The following SYTL2 variants were observed in gnomAD, a reference collection of about 807,000 sequenced individuals.
SYTL2 encodes synaptotagmin-like protein 2.
A neutral mutation model predicts 198.7 loss-of-function variants in SYTL2; 165 were observed. That is an observed-to-expected ratio of 0.83 (90% CI 0.73 to 0.94). The LOEUF (loss-of-function observed/expected upper bound fraction) is 0.94, where lower values mean the gene tolerates loss of function less well. Ranked by LOEUF, SYTL2 falls within the 40% of genes least tolerant of loss-of-function variation. SYTL2 has a pLI of 0.00. For missense variants in SYTL2, 2,835 were observed against 2,582.8 expected (o/e 1.10, Z -2.12); for synonymous variants, 966 against 917.7 (o/e 1.05, Z -0.95).
intron 1 of SYTL2, among the ~76,000 whole-genome samples, chr11:85,786,631 G>T (rs1245265546): frequency 6.6e-6 from 1 of 152,198 alleles, no homozygotes; most frequent in Non-Finnish European, 1.5e-5. Context: ...GAGAGTGTGT[G>T]TATGTGTGTG....
At chr11:85,744,201 G>A (rs2090998446) in intron 4 of SYTL2, among the ~76,000 whole-genome samples, 1 of 151,974 alleles carries the variant, frequency 6.6e-6, no homozygotes, top group Non-Finnish European at 1.5e-5. Context: ...TCCATTTCTT[G>A]AGCACTTACT....
At chr11:85,840,151 TAG>T in the SYTL2 span, among the ~76,000 whole-genome samples, 153 of 152,316 alleles carry the variant, frequency 1.0e-3, 1 homozygote, top group African/African-American at 3.5e-3. Flanking sequence ...TTTTTTCCTA[TAG>T]AGTCACCTGA....
At chr11:85,741,953 T>C (rs1196916489) in intron 4 of SYTL2, among the ~76,000 whole-genome samples, 1 of 152,212 alleles carries the variant, frequency 6.6e-6, no homozygotes, top group African/African-American at 2.4e-5. Flanking sequence ...GCACAGTTTT[T>C]CTTGCAAGGA....
At chr11:85,799,743 T>A (rs2153644856) in intron 1 of SYTL2, among the ~76,000 whole-genome samples, 1 of 152,130 alleles carries the variant, frequency 6.6e-6, no homozygotes, top group East Asian at 1.9e-4. Context: ...CCTTCCCTCT[T>A]ACCACCCCAC....
Position 85,724,615 on chromosome 11 carries a change from A to G in SYTL2, c.4743T>C (p.Tyr1581=). ...CTTCTCTCACTGACACCTGGGGCTG[A>G]TAAGGAGGAGCTTCAGTTATTTCTT... is the stretch of plus-strand genomic sequence containing the variant. ...LLKEITEAPP[Y]QPQVSVREET... Residue 1581 remains tyrosine, a synonymous_variant, in exon 8 of 20, where the codon TAT becomes TAC. Coordinates refer to ENST00000359152, the MANE Select transcript of SYTL2 (RefSeq NM_206927.4). The G allele has an allele frequency of 1.2e-6, 2 of 1,613,352 alleles. No individual in the cohort carries two copies. The highest frequency in any genetic ancestry group is 2.7e-5 in the African/African-American group (2 of 74,912).
chr11:85,842,053 G>A, the SYTL2 span, among the ~76,000 whole-genome samples: 1 of 152,182 alleles, frequency 6.6e-6, no homozygotes, highest in Non-Finnish European at 1.5e-5. Context: ...GCTAGGCAAT[G>A]GTGGTATAAT....
At chr11:85,765,873 T>C (rs2153568746) in intron 1 of SYTL2, among the ~76,000 whole-genome samples, 1 of 152,242 alleles carries the variant, frequency 6.6e-6, no homozygotes, top group East Asian at 1.9e-4. Context: ...AAACTTACAA[T>C]ACCCCTAGGA....
Position 85,775,711 on chromosome 11 carries a change from C to T in SYTL2, c.-389-17597G>A, listed in dbSNP as rs933046026. Among the ~76,000 whole-genome samples, 5 of 152,122 alleles carry T rather than the reference C, an allele frequency of 3.3e-5. No individual in the cohort carries two copies. The South Asian group carries it at 6.2e-4, about 19-fold the overall frequency. On this transcript the variant is annotated intron_variant, in intron 1 of 19. Transcript: ENST00000359152. ...GACCAGGCTGATCTTGAACTCCTGA[C>T]CTCAAGTAATCTGCCCGCCTCAGCC...
chr11:85,697,389 C>A (rs1041082154), intron 18 of SYTL2, among the ~76,000 whole-genome samples: 2 of 152,054 alleles, frequency 1.3e-5, no homozygotes, highest in African/African-American at 4.8e-5. Context: ...TTCTGGTAGA[C>A]TATATATAAA....
intron 14 of SYTL2, among the ~76,000 whole-genome samples, chr11:85,707,795 C>T (rs2085439852): frequency 6.6e-6 from 1 of 151,400 alleles, no homozygotes; most frequent in African/African-American, 2.4e-5. Context: ...AACTAATATG[C>T]AGGGGTGGAA....
chr11:85,738,831 CCTGT>C (rs2090564749), intron 4 of SYTL2, among the ~76,000 whole-genome samples: 2 of 152,098 alleles, frequency 1.3e-5, no homozygotes, highest in Admixed American at 1.3e-4. Flanking sequence ...CTGTGGAACA[CCTGT>C]CTTTTTCCAC....
chr11:85,781,270 A>G (rs2092555248), intron 1 of SYTL2, among the ~76,000 whole-genome samples: 1 of 152,154 alleles, frequency 6.6e-6, no homozygotes, highest in African/African-American at 2.4e-5. Context: ...GCCCCTTATA[A>G]AACCATCAGA....
At chr11:85,766,296 T>C (rs979180470) in intron 1 of SYTL2, among the ~76,000 whole-genome samples, 1 of 152,172 alleles carries the variant, frequency 6.6e-6, no homozygotes, top group Non-Finnish European at 1.5e-5. Context: ...ATTTTCTTGA[T>C]CAGCATTCTA....
At chr11:85,839,112 G>T in the SYTL2 span, among the ~76,000 whole-genome samples, 2 of 152,070 alleles carry the variant, frequency 1.3e-5, no homozygotes, top group African/African-American at 4.8e-5. Context: ...GTACATGGGG[G>T]ATATTCATGA....
At chr11:85,811,732 TG>T (rs1313068469), upstream of SYTL2, among the ~76,000 whole-genome samples, 2 of 152,166 alleles carry the variant, frequency 1.3e-5, no homozygotes, top group African/African-American at 2.4e-5. Context: ...AGCTACTTAC[TG>T]GGGTATGCAC....
At chr11:85,807,533 C>G (rs1364783801) in intron 1 of SYTL2, among the ~76,000 whole-genome samples, 1 of 152,160 alleles carries the variant, frequency 6.6e-6, no homozygotes, top group Non-Finnish European at 1.5e-5. Context: ...AAAGTGGAAA[C>G]CAGCTCAGAG....
intron 1 of SYTL2, among the ~76,000 whole-genome samples, chr11:85,777,492 C>G (rs2092471127): frequency 6.6e-6 from 1 of 152,090 alleles, no homozygotes; most frequent in African/African-American, 2.4e-5. Flanking sequence ...AATGAGCACC[C>G]TGAACCTGCT....
rs879383911 is a variant in SYTL2 at position 85,735,757 on chromosome 11, C to CA, written c.586+743dup. Among the ~76,000 whole-genome samples, 227 of 123,106 alleles carry CA rather than the reference C, an allele frequency of 1.8e-3. 1 individual carries two copies. The highest frequency in any genetic ancestry group is 4.2e-3 in the Middle Eastern group (1 of 236). 80.8% of individuals were successfully genotyped at this position (123,106 alleles called of 152,430 possible). On this transcript the variant is annotated intron_variant, in intron 6 of 19. Coordinates refer to ENST00000359152, the MANE Select transcript of SYTL2 (RefSeq NM_206927.4). ...GGGCAATAGAGTGGGACTCCATGGCCAAAAAAAAAAAAGAAAAGTTAAAAA... is the reference window on the plus strand; with the variant it reads ...GGGCAATAGAGTGGGACTCCATGGCCAAAAAAAAAAAAAGAAAAGTTAAAAA...
In SYTL2 at chr11:85,783,973, C is replaced by A. The variant is rs7925247; in HGVS notation, c.-389-25859G>T. Among the ~76,000 whole-genome samples the A allele has an allele frequency of 1.7e-4, 26 of 152,222 alleles. No individual in the cohort carries two copies. The East Asian group carries it at 4.1e-3, about 24-fold the overall frequency. ...GATTCTGGCCACAGATTTCCTCAGA[C>A]TGGACTTCCCCAGGCAGCCCAGGAA... On this transcript the variant is annotated intron_variant, in intron 1 of 19. Coordinates refer to ENST00000359152, the MANE Select transcript of SYTL2 (RefSeq NM_206927.4).
Sources: allele counts gnomAD v4.1 joint callset (sites outside exome capture counted in the v4.1 genomes callset), GRCh38; gene constraint gnomAD v4.1.1; transcripts MANE v1.5; gene names NCBI Gene and HGNC (gene_info 2026-07-23, HGNC 2026-07-21).